The following NCEH1 variants were observed in gnomAD, a reference collection of about 807,000 sequenced individuals.
The protein encoded by NCEH1 is neutral cholesterol ester hydrolase 1.
Under a neutral mutation model 25.4 loss-of-function variants are expected in NCEH1, and 9 were observed. That is an observed-to-expected ratio of 0.35 (90% CI 0.21 to 0.62). The LOEUF (loss-of-function observed/expected upper bound fraction) is 0.62, where lower values mean the gene tolerates loss of function less well. NCEH1 is among the 20% of genes least tolerant of loss of function. NCEH1 has a pLI of 0.72. For missense variants in NCEH1, 412 were observed against 501.1 expected (o/e 0.82, Z 1.70); for synonymous variants, 200 against 199.8 (o/e 1.00, Z -0.01).
At chr3:172,676,795 C>CTA (rs1295874397) in intron 1 of NCEH1, among the ~76,000 whole-genome samples, 2 of 152,168 alleles carry the variant, frequency 1.3e-5, no homozygotes, top group Non-Finnish European at 2.9e-5. Context: ...TCTCTTGGTC[C>CTA]TATTCTTGTC....
At chr3:172,673,932 G>A (rs556667040) in intron 1 of NCEH1, among the ~76,000 whole-genome samples, 5 of 152,186 alleles carry the variant, frequency 3.3e-5, no homozygotes, top group South Asian at 2.1e-4. Flanking sequence ...ATCCTTCACC[G>A]AGCTTTTTAC....
intron 3 of NCEH1, among the ~76,000 whole-genome samples, chr3:172,643,478 T>C (rs1463464291): frequency 1.3e-5 from 2 of 152,202 alleles, no homozygotes; most frequent in Non-Finnish European, 2.9e-5. Context: ...TTGACTGCCA[T>C]ATGCTCATGC....
chr3:172,706,616 A>G (rs1005935873), intron 1 of NCEH1, among the ~76,000 whole-genome samples: 1 of 149,690 alleles, frequency 6.7e-6, no homozygotes, highest in African/African-American at 2.5e-5. Flanking sequence ...CTTCTGCCTC[A>G]GCCTCCCAAG....
chr3:172,706,013 A>G (rs1297572878), intron 1 of NCEH1, among the ~76,000 whole-genome samples: 1 of 29,410 alleles, frequency 3.4e-5, no homozygotes, highest in Non-Finnish European at 7.2e-5. Context: ...CAACAACCAA[A>G]AAAAAAAAAA....
At chr3:172,693,904 T>A (rs1713214618) in intron 1 of NCEH1, among the ~76,000 whole-genome samples, 1 of 152,150 alleles carries the variant, frequency 6.6e-6, no homozygotes, top group Non-Finnish European at 1.5e-5. Context: ...TTTTTAAATT[T>A]TTTATTTTTT....
chr3:172,666,114 A>G (rs1718194951), intron 1 of NCEH1, among the ~76,000 whole-genome samples: 1 of 152,156 alleles, frequency 6.6e-6, no homozygotes, highest in South Asian at 2.1e-4. Context: ...TTGGAACCCA[A>G]GCCATTTCTT....
In NCEH1 at chr3:172,710,974, G is replaced by C. The variant is rs200523181; in HGVS notation, c.11C>G (p.Ser4Cys). 1.6e-5 allele frequency: 26 copies of C among 1,614,010 alleles called. No homozygotes were observed. Among genetic ancestry groups the C allele is most frequent in the Non-Finnish European group, 2.2e-5 (26 of 1,180,022 alleles). Reference sequence around the variant, plus strand: ...CACCAGGGCGGTGAGCAGGACACAGGACGACCTCATCTTGCCCTGGCTCGG... The same window carrying C: ...CACCAGGGCGGTGAGCAGGACACAGCACGACCTCATCTTGCCCTGGCTCGG... MRS[S>C]CVLLTALVAL... Residue 4 changes from serine to cysteine, a missense_variant, in exon 1 of 5, where the codon TCC (serine) becomes TGC (cysteine). By Grantham distance (112) the Ser-to-Cys change is moderately radical. This residue lies in a region of NCEH1 where 178 missense variants were observed against 189.2 expected (regional missense o/e 0.94). Transcript: ENST00000475381.
intron 1 of NCEH1, among the ~76,000 whole-genome samples, chr3:172,710,258 G>A (rs912186275): frequency 3.3e-5 from 5 of 152,174 alleles, no homozygotes; most frequent in African/African-American, 1.2e-4. Context: ...CTCTTTCTTG[G>A]GCTGAGCTGA....
In NCEH1 at chr3:172,633,531, A is replaced by G; in HGVS notation, c.1171T>C (p.Ser391Pro). The G allele has an allele frequency of 6.2e-7, 1 of 1,614,126 alleles. No individual in the cohort carries two copies. The highest frequency in any genetic ancestry group is 1.1e-5 in the South Asian group (1 of 91,072). ...CTATTCCTAGTCCGGATTCCCACTG[A>G]GAAGTTGGTGGGCCAGCTAGTGAAA... ...MIFTSWPTNF[S>P]VGIRTRNSYI... Residue 391 changes from serine to proline, a missense_variant, in exon 5 of 5, where the codon TCA becomes CCA. Ser to Pro is a moderately conservative substitution (Grantham distance 74). This residue lies in a region of NCEH1 where 210 missense variants were observed against 258.2 expected (regional missense o/e 0.81). Coordinates refer to ENST00000475381, the MANE Select transcript of NCEH1 (RefSeq NM_020792.6).
chr3:172,679,959 C>A (rs572110295), intron 1 of NCEH1, among the ~76,000 whole-genome samples: 1 of 151,986 alleles, frequency 6.6e-6, no homozygotes, highest in South Asian at 2.1e-4. Context: ...GTTTTAAGAA[C>A]GAATTCTTTT....
intron 1 of NCEH1, among the ~76,000 whole-genome samples, chr3:172,653,764 T>TTTTTTTTTTTTG (rs1560186621): frequency 2.1e-5 from 1 of 48,158 alleles, no homozygotes; most frequent in Non-Finnish European, 4.9e-5. Flanking sequence ...TTTTTTGTTT[T>TTTTTTTTTTTTG]TTTTTTTTTT....
In NCEH1 at chr3:172,645,672, G is replaced by C. The variant is rs771447668; in HGVS notation, c.388C>G (p.Leu130Val). 3 of 1,595,306 alleles carry C rather than the reference G, an allele frequency of 1.9e-6. No individual in the cohort carries two copies. The highest frequency in any genetic ancestry group is 1.7e-6 in the Non-Finnish European group (2 of 1,170,302). ...ASAKIRYYDE[L>V]CTAMAEELNA... ...AATTCCTCAGCCATTGCTGTACACAGCTCATCATAATACCTGATTTCTAAA... is the reference window on the plus strand; with the variant it reads ...AATTCCTCAGCCATTGCTGTACACACCTCATCATAATACCTGATTTCTAAA... Residue 130 changes from leucine (L) to valine (V), a missense_variant, in exon 3 of 5, where the codon CTG becomes GTG. Physicochemically the swap from Leu to Val is conservative, Grantham distance 32. Coordinates refer to ENST00000475381, the MANE Select transcript of NCEH1 (RefSeq NM_020792.6).
At chr3:172,667,152 A>G (rs1399314319) in intron 1 of NCEH1, among the ~76,000 whole-genome samples, 2 of 152,224 alleles carry the variant, frequency 1.3e-5, no homozygotes, top group Non-Finnish European at 2.9e-5. Context: ...AGTTAGGAGT[A>G]AGATGTCTTC....
chr3:172,707,958 C>T (rs1019195376), intron 1 of NCEH1, among the ~76,000 whole-genome samples: 37 of 152,166 alleles, frequency 2.4e-4, no homozygotes, highest in African/African-American at 8.7e-4. Flanking sequence ...TGTGGTGTAA[C>T]CTGGGCATCA....
chr3:172,664,304 T>A (rs1370328463), intron 1 of NCEH1, among the ~76,000 whole-genome samples: 8 of 152,242 alleles, frequency 5.3e-5, no homozygotes, highest in Non-Finnish European at 8.8e-5. Flanking sequence ...CTCGTCTGGC[T>A]TGTAGAGTTT....
intron 1 of NCEH1, among the ~76,000 whole-genome samples, chr3:172,691,344 C>T (rs1560205214): frequency 6.6e-6 from 1 of 152,210 alleles, no homozygotes; most frequent in African/African-American, 2.4e-5. Flanking sequence ...GTTGCATTAT[C>T]ATTATGAGCT....
chr3:172,659,350 T>C (rs888862389), intron 1 of NCEH1, among the ~76,000 whole-genome samples: 2 of 152,210 alleles, frequency 1.3e-5, no homozygotes, highest in African/African-American at 4.8e-5. Flanking sequence ...TTAGTTTACT[T>C]GGGCCTCAGA....
At chr3:172,638,327 T>C (rs537905675) in intron 3 of NCEH1, among the ~76,000 whole-genome samples, 1 of 139,710 alleles carries the variant, frequency 7.2e-6, no homozygotes, top group African/African-American at 2.6e-5. Context: ...GTTTGCCATA[T>C]AGCAGATAAA....
At chr3:172,683,198 TCG>T (rs1712493194) in intron 1 of NCEH1, among the ~76,000 whole-genome samples, 1 of 65,656 alleles carries the variant, frequency 1.5e-5, no homozygotes, top group African/African-American at 7.1e-5. Flanking sequence ...GGTCAGGAGA[TCG>T]AGACCATCCC....
Sources: gnomAD v4.1 joint callset for allele counts (sites outside exome capture counted in the v4.1 genomes callset) on GRCh38, gnomAD v4.1.1 for gene constraint, gnomAD v4.1.1 regional missense constraint, MANE v1.5 for transcripts, NCBI Gene and HGNC (gene_info 2026-07-23, HGNC 2026-07-21) for gene names.